CD109: variants seen among roughly 807,000 people sequenced by gnomAD.
The protein encoded by CD109 is CD109 antigen.
Under a neutral mutation model 165.8 loss-of-function variants are expected in CD109, and 149 were observed. That is an observed-to-expected ratio of 0.90 (90% CI 0.79 to 1.03). CD109 has a LOEUF of 1.03. Ranked by LOEUF, CD109 falls within the 50% of genes least tolerant of loss-of-function variation. The pLI, the probability that CD109 is intolerant of heterozygous loss-of-function variation, is 0.00. For synonymous variants in CD109, 585 were observed against 592.1 expected, an observed-to-expected ratio of 0.99 and a Z score of 0.18; for missense variants, 1,712 against 1,677.8, an observed-to-expected ratio of 1.02 and a Z score of -0.36.
At chr6:73,801,579 A>G (rs958393402) in intron 23 of CD109, among the ~76,000 whole-genome samples, 8 of 152,316 alleles carry the variant, frequency 5.3e-5, no homozygotes, top group Middle Eastern at 6.8e-3. Context: ...ATTGTAACTT[A>G]AATCAGATAC....
At chr6:73,728,788 G>A (rs2150177319) in intron 3 of CD109, among the ~76,000 whole-genome samples, 1 of 152,258 alleles carries the variant, frequency 6.6e-6, no homozygotes, top group African/African-American at 2.4e-5. Flanking sequence ...ATAGTTTCGG[G>A]ACCTCAGTTT....
At chr6:73,715,200 C>T (rs1771681438) in intron 2 of CD109, among the ~76,000 whole-genome samples, 1 of 152,138 alleles carries the variant, frequency 6.6e-6, no homozygotes, top group Non-Finnish European at 1.5e-5. Context: ...GTGGAGGTTG[C>T]AGTGAGCTGA....
intron 13 of CD109, among the ~76,000 whole-genome samples, chr6:73,767,589 CT>C (rs1462673924): frequency 2.0e-5 from 3 of 152,074 alleles, no homozygotes; most frequent in East Asian, 1.9e-4. Context: ...AATAAAAAAC[CT>C]TTTTTATTTC....
chr6:73,802,305 A>ATTTTT (rs71542232), intron 23 of CD109, among the ~76,000 whole-genome samples: 3 of 47,606 alleles, frequency 6.3e-5, no homozygotes, highest in African/African-American at 2.6e-4. Flanking sequence ...ATATATATAT[A>ATTTTT]TTTTTTTTTT....
At position 73,808,228 on chromosome 6, in the gene CD109, C is replaced by T; in HGVS notation, c.3335C>T (p.Thr1112Ile). 1 of 1,613,044 alleles carries T rather than the reference C, an allele frequency of 6.2e-7. No individual in the cohort carries two copies. Among genetic ancestry groups the T allele is most frequent in the South Asian group, 1.1e-5 (1 of 90,976 alleles). Residue 1112 changes from threonine to isoleucine, a missense_variant, in exon 26 of 33, where the codon ACT becomes ATT. Thr to Ile is a moderately conservative substitution (Grantham distance 89). Transcript: ENST00000287097. ...GCGAAGGAAGCTTTGAATATGCTGACTTGGAGAGCAGAACAAGAAGGTAAT... is the reference window on the plus strand; with the variant it reads ...GCGAAGGAAGCTTTGAATATGCTGATTTGGAGAGCAGAACAAGAAGGTAAT... ...PKAKEALNML[T>I]WRAEQEGGMQ...
chr6:73,681,746 G>A, the CD109 span, among the ~76,000 whole-genome samples: 1 of 151,912 alleles, frequency 6.6e-6, no homozygotes, highest in East Asian at 1.9e-4. Flanking sequence ...GGGATTACAG[G>A]TGCACACCAC....
chr6:73,789,908 C>T (rs551720743), intron 22 of CD109, among the ~76,000 whole-genome samples: 3 of 151,716 alleles, frequency 2.0e-5, no homozygotes, highest in East Asian at 1.9e-4. Context: ...ATTACAGGCA[C>T]GTGCCACCAC....
In CD109 at chr6:73,820,541, C is replaced by T. The variant is rs1197984372; in HGVS notation, c.4140C>T (p.Ser1380=). 3.7e-6 allele frequency: 6 copies of T among 1,604,760 alleles called. No individual in the cohort carries two copies. Among genetic ancestry groups the T allele is most frequent in the Non-Finnish European group, 5.1e-6 (6 of 1,172,600 alleles). Residue 1380 remains serine, a synonymous_variant, in exon 32 of 33, where the codon TCC becomes TCT. Transcript: ENST00000287097. ...CAAATACCCAAGATGCTTCAGTGTC[C>T]ATAGTGGATTACTATGAGCCAAGTA... ...KVSNTQDASV[S]IVDYYEPRRQ... is the part of the protein sequence containing the mutation.
intron 23 of CD109, among the ~76,000 whole-genome samples, chr6:73,802,305 AT>A (rs71542232): frequency 3.3e-3 from 158 of 47,588 alleles, no homozygotes; most frequent in African/African-American, 8.7e-3. Flanking sequence ...ATATATATAT[AT>A]TTTTTTTTTT....
rs1402910309 is a variant in CD109, at chr6:73,787,377, G to A, written c.2481G>A (p.Leu827=). Residue 827 remains leucine, a synonymous_variant, in exon 21 of 33, where the codon CTG becomes CTA. Transcript: ENST00000287097. ...TVLFPIRPTH[L]GEIPITVTAL... Reference sequence around the variant, plus strand: ...TTTTTCCCATCAGGCCAACACATCTGGGAGAAATTCCTATCACAGTCACAG... The same window carrying A: ...TTTTTCCCATCAGGCCAACACATCTAGGAGAAATTCCTATCACAGTCACAG... 5 of 1,613,964 alleles carry A rather than the reference G, an allele frequency of 3.1e-6. No individual in the cohort carries two copies. The highest frequency in any genetic ancestry group is 4.2e-6 in the Non-Finnish European group (5 of 1,179,986).
chr6:73,729,811 G>A (rs571088378), intron 3 of CD109, among the ~76,000 whole-genome samples: 195 of 152,148 alleles, frequency 1.3e-3, no homozygotes, highest in South Asian at 2.9e-3. Flanking sequence ...AACGTGCCTG[G>A]GAAGGATTTC....
In CD109 at chr6:73,818,443, G is replaced by T; in HGVS notation, c.3967G>T (p.Gly1323Cys). Residue 1323 changes from glycine (G) to cysteine (C), a missense_variant, in exon 31 of 33, where the codon GGC (glycine) becomes TGC (cysteine). Physicochemically the swap from Gly to Cys is radical, Grantham distance 159 (BLOSUM62 -3). Coordinates refer to ENST00000287097, the MANE Select transcript of CD109 (RefSeq NM_133493.5). Reference sequence around the variant, plus strand: ...TCTTATGGAAGTTAACCTATTAAGTGGCTTTATGGTGCCTTCAGAAGCAAT... The same window carrying T: ...TCTTATGGAAGTTAACCTATTAAGTTGCTTTATGGTGCCTTCAGAAGCAAT... ...MALMEVNLLS[G>C]FMVPSEAISL... The T allele has an allele frequency of 6.2e-7, 1 of 1,613,824 alleles. No individual in the cohort carries two copies. Among genetic ancestry groups the T allele is most frequent in the Non-Finnish European group, 8.5e-7 (1 of 1,179,928 alleles).
intron 5 of CD109, among the ~76,000 whole-genome samples, chr6:73,738,952 T>A (rs1772647640): frequency 6.6e-6 from 1 of 152,230 alleles, no homozygotes; most frequent in African/African-American, 2.4e-5. Context: ...CTTCCCTTAA[T>A]TCATTCATCT....
In CD109 at chr6:73,811,004, G is replaced by T. The variant is rs771479773; in HGVS notation, c.3559G>T (p.Ala1187Ser). ...CTTCCCTCAACAGGATACCACTGTG[G>T]CTTTAAAGGCTCTGTCTGAATTTGC... ...GFASTQDTTV[A>S]LKALSEFAAL... is the part of the protein sequence containing the mutation. The change falls in exon 28 of 33, where the codon GCT becomes TCT. Residue 1187 changes from alanine (A) to serine (S), a missense_variant. Coordinates refer to ENST00000287097, the MANE Select transcript of CD109 (RefSeq NM_133493.5). 8.1e-6 allele frequency: 13 copies of T among 1,612,748 alleles called. No homozygotes were observed. In the East Asian group the frequency reaches 2.9e-4, roughly 36 times the overall value.
intron 23 of CD109, among the ~76,000 whole-genome samples, chr6:73,798,546 C>T (rs982446648): frequency 6.6e-6 from 1 of 152,032 alleles, no homozygotes; most frequent in Non-Finnish European, 1.5e-5. Flanking sequence ...CACAAGGAGA[C>T]ATACAAGTTC....
intron 16 of CD109, 109 bp downstream of exon 16, chr6:73,780,607 T>A: frequency 1.4e-6 from 1 of 721,950 alleles, no homozygotes; most frequent in Non-Finnish European, 2.4e-6. Flanking sequence ...AATGTGTCAC[T>A]GAAGCGCAGT....
chr6:73,795,446 A>G (rs897023333), intron 23 of CD109, among the ~76,000 whole-genome samples: 3 of 152,114 alleles, frequency 2.0e-5, no homozygotes, highest in Non-Finnish European at 4.4e-5. Context: ...AATCCTCAGT[A>G]TCTGTTGTTT....
chr6:73,761,949 A>ATT lies in CD109; in HGVS notation c.759-427_759-426dup, dbSNP rs200534962. 3.1e-3 allele frequency among the ~76,000 whole-genome samples: 467 copies of ATT among 150,942 alleles called. 3 individuals carry two copies. Among genetic ancestry groups the ATT allele is most frequent in the African/African-American group, 0.011 (446 of 41,096 alleles). ...TTAGTGTTTTGCCATCCCATAATGTATTTTTTTTTAATTTATTTATTTTGA... is the reference window on the plus strand; with the variant it reads ...TTAGTGTTTTGCCATCCCATAATGTATTTTTTTTTTTAATTTATTTATTTTGA... On this transcript the variant is annotated intron_variant, in intron 7 of 32. Transcript: ENST00000287097.
At position 73,789,050 on chromosome 6, in the gene CD109, A is replaced by T. The variant is rs138023491; in HGVS notation, c.2701+438A>T. ...TGGTGAATATCAGAATCTTCTAAGGAGCTCTGTAAATACAGAAACATCTGG... is the reference window on the plus strand; with the variant it reads ...TGGTGAATATCAGAATCTTCTAAGGTGCTCTGTAAATACAGAAACATCTGG... On this transcript the variant is annotated intron_variant, in intron 22 of 32. Transcript: ENST00000287097. 5.7e-4 allele frequency among the ~76,000 whole-genome samples: 87 copies of T among 152,320 alleles called. 1 individual carries two copies. Among genetic ancestry groups the T allele is most frequent in the African/African-American group, 2.0e-3 (84 of 41,572 alleles).
Sources: allele counts gnomAD v4.1 joint callset (sites outside exome capture counted in the v4.1 genomes callset), GRCh38; gene constraint gnomAD v4.1.1; transcripts MANE v1.5; gene names NCBI Gene and HGNC (gene_info 2026-07-23, HGNC 2026-07-21).